Variants in COL24A1 observed in about 807,000 individuals in gnomAD.
COL24A1 encodes the protein collagen type XXIV alpha 1 chain.
A neutral mutation model predicts 253.9 loss-of-function variants in COL24A1; 224 were observed. The ratio of observed to expected loss-of-function variants is 0.88; its 90% CI spans 0.79 to 0.99. The LOEUF (loss-of-function observed/expected upper bound fraction) is 0.99. Among genes scored for constraint, COL24A1 ranks in the 50% least tolerant of loss-of-function variants. COL24A1 has a pLI of 0.00. For missense variants in COL24A1, 2,131 were observed against 2,068.5 expected, an observed-to-expected ratio of 1.03 and a Z score of -0.59; for synonymous variants, 685 against 673.7, an observed-to-expected ratio of 1.02 and a Z score of -0.26.
intron 37 of COL24A1, among the ~76,000 whole-genome samples, chr1:85,854,309 T>C (rs1042971686): frequency 2.4e-4 from 37 of 152,212 alleles, no homozygotes; most frequent in African/African-American, 7.7e-4. Context: ...CTCTAACCTG[T>C]TTCATTGGTC....
intron 10 of COL24A1, among the ~76,000 whole-genome samples, chr1:86,056,609 A>G (rs954227260): frequency 2.6e-5 from 4 of 152,100 alleles, no homozygotes; most frequent in Admixed American, 6.5e-5. Flanking sequence ...TAATCCCAGC[A>G]CTTTGAGAGG....
At chr1:85,989,651 G>A (rs906387684) in intron 19 of COL24A1, among the ~76,000 whole-genome samples, 2 of 152,010 alleles carry the variant, frequency 1.3e-5, no homozygotes, top group Admixed American at 6.6e-5. Context: ...AGGGTCTTTC[G>A]TGATTTGGTG....
At chr1:86,043,591 G>T (rs1400810008) in intron 12 of COL24A1, among the ~76,000 whole-genome samples, 2 of 151,652 alleles carry the variant, frequency 1.3e-5, no homozygotes, top group Non-Finnish European at 2.9e-5. Context: ...GCAGTGGCAC[G>T]CTCTCAGCTC....
chr1:85,954,296 C>T (rs1436938163), intron 24 of COL24A1, among the ~76,000 whole-genome samples: 1 of 152,130 alleles, frequency 6.6e-6, no homozygotes, highest in Non-Finnish European at 1.5e-5. Context: ...GCTTCTCAAA[C>T]CATAATATGG....
chr1:85,874,609 G>T (rs1230349523), intron 35 of COL24A1, 40 bp downstream of exon 35: 4 of 1,573,980 alleles, frequency 2.5e-6, no homozygotes, highest in African/African-American at 1.4e-5. Context: ...TCTGAAAGAA[G>T]TGGGTTAGTG....
chr1:86,071,643 G>A (rs1701881101), intron 7 of COL24A1, among the ~76,000 whole-genome samples: 1 of 152,128 alleles, frequency 6.6e-6, no homozygotes, highest in African/African-American at 2.4e-5. Flanking sequence ...ACTATAAGAT[G>A]AGACAAAGGT....
At chr1:85,867,059 T>C (rs575300636) in intron 37 of COL24A1, among the ~76,000 whole-genome samples, 2 of 152,326 alleles carry the variant, frequency 1.3e-5, no homozygotes, top group South Asian at 2.1e-4. Flanking sequence ...AAAGGAATTA[T>C]AGTCATTGAT....
intron 47 of COL24A1, among the ~76,000 whole-genome samples, chr1:85,800,945 G>T (rs1671363806): frequency 1.3e-5 from 2 of 152,098 alleles, no homozygotes; most frequent in South Asian, 4.1e-4. Context: ...AAGATGCTGA[G>T]TAGCAAAACA....
At chr1:85,754,550 TAA>T (rs34069021) in intron 55 of COL24A1, among the ~76,000 whole-genome samples, 2 of 110,996 alleles carry the variant, frequency 1.8e-5, no homozygotes, top group African/African-American at 3.5e-5. Flanking sequence ...AAAAAAAAAT[TAA>T]AAAAAAAAAA....
At chr1:86,124,257 G>A (rs892947226) in intron 3 of COL24A1, among the ~76,000 whole-genome samples, 1 of 151,466 alleles carries the variant, frequency 6.6e-6, no homozygotes, top group Non-Finnish European at 1.5e-5. Flanking sequence ...ACTGATAACT[G>A]GTTCTTTTTG....
At chr1:86,045,736 G>A (rs914464074) in intron 12 of COL24A1, 34 of 337,684 alleles carry the variant, frequency 1.0e-4, no homozygotes, top group Admixed American at 6.4e-4. Flanking sequence ...CAATGTAAAT[G>A]CAGGGAAACA....
At chr1:86,061,154 C>T (rs1419880433) in intron 8 of COL24A1, among the ~76,000 whole-genome samples, 1 of 151,854 alleles carries the variant, frequency 6.6e-6, no homozygotes, top group African/African-American at 2.4e-5. Flanking sequence ...ATTCAAAGGC[C>T]CGTCTCCCTA....
chr1:85,828,611 A>G (rs1420233311), intron 43 of COL24A1, among the ~76,000 whole-genome samples: 1 of 149,344 alleles, frequency 6.7e-6, no homozygotes, highest in Admixed American at 6.8e-5. Flanking sequence ...GTGCTCCTGT[A>G]TTGGGTGCAT....
At chr1:86,034,546 A>G (rs888901177) in intron 12 of COL24A1, among the ~76,000 whole-genome samples, 1 of 152,164 alleles carries the variant, frequency 6.6e-6, no homozygotes, top group South Asian at 2.1e-4. Flanking sequence ...ATGTTTTTCA[A>G]CTATGCTATA....
intron 28 of COL24A1, among the ~76,000 whole-genome samples, chr1:85,900,046 A>G (rs1321069997): frequency 2.6e-5 from 4 of 152,242 alleles, no homozygotes; most frequent in Non-Finnish European, 5.9e-5. Context: ...CAAAATGAAT[A>G]TTAAACATTC....
At chr1:85,831,208 C>T (rs578191704) in intron 43 of COL24A1, among the ~76,000 whole-genome samples, 51 of 152,054 alleles carry the variant, frequency 3.4e-4, no homozygotes, top group Admixed American at 9.2e-4. Context: ...TCAATCAAGA[C>T]GGAGTGTGGT....
intron 29 of COL24A1, 28 bp from the exon 30 acceptor site, chr1:85,896,093 T>G: frequency 6.2e-7 from 1 of 1,607,370 alleles, no homozygotes; most frequent in South Asian, 1.1e-5. Context: ...CCAGGTGAGT[T>G]AGTAAGAATG....
intron 31 of COL24A1, among the ~76,000 whole-genome samples, chr1:85,891,195 C>T (rs540979456): frequency 6.6e-5 from 10 of 151,032 alleles, no homozygotes; most frequent in Admixed American, 1.3e-4. Context: ...GGACTACAGG[C>T]GCCCGCCACC....
At chr1:86,137,680 C>T (rs1449815862) in intron 2 of COL24A1, among the ~76,000 whole-genome samples, 1 of 152,142 alleles carries the variant, frequency 6.6e-6, no homozygotes, top group East Asian at 1.9e-4. Context: ...CTAATGACTT[C>T]ATCCAAACCA....
Sources: gnomAD v4.1 joint callset for allele counts (sites outside exome capture counted in the v4.1 genomes callset) on GRCh38, gnomAD v4.1.1 for gene constraint, MANE v1.5 for transcripts, NCBI Gene and HGNC (gene_info 2026-07-23, HGNC 2026-07-21) for gene names.